Variants in PARVB observed in about 807,000 individuals in gnomAD.
The protein encoded by PARVB is beta-parvin.
A neutral mutation model predicts 47.0 loss-of-function variants in PARVB; 46 were observed. The ratio of observed to expected loss-of-function variants is 0.98; its 90% CI spans 0.77 to 1.25. The LOEUF (loss-of-function observed/expected upper bound fraction) is 1.25. Among genes scored for constraint, PARVB ranks in the 50% most tolerant of loss-of-function variants. The pLI is 0.00. For synonymous variants in PARVB, 196 were observed against 196.3 expected, an observed-to-expected ratio of 1.00 and a Z score of 0.01; for missense variants, 473 against 471.6, an observed-to-expected ratio of 1.00 and a Z score of -0.03.
intron 9 of PARVB, chr22:44,148,861 C>G (rs563175753): frequency 1.3e-5 from 2 of 152,294 alleles, no homozygotes; most frequent in South Asian, 4.1e-4. Flanking sequence ...TTTTTGGAAG[C>G]ATTTTGCAAA....
rs1244616785 is a variant in PARVB at position 44,172,700 on chromosome 22, AC to A, written c.*4023del. 1 of 277,044 alleles carries A rather than the reference AC, an allele frequency of 3.6e-6. No individual in the cohort carries two copies. Among genetic ancestry groups the A allele is most frequent in the Non-Finnish European group, 7.1e-6 (1 of 140,418 alleles). 17.2% of individuals were successfully genotyped at this position (277,044 alleles called of 1,614,324 possible). On this transcript the variant is annotated 3_prime_UTR_variant, in exon 13 of 13. Coordinates refer to ENST00000338758, the MANE Select transcript of PARVB (RefSeq NM_013327.5). ...CCCCTGTTTTGTGTGCCAGTATTTT[AC>A]TGTCTTCTTAATTGTTTTAAGCAAT...
intron 1 of PARVB, among the ~76,000 whole-genome samples, chr22:44,081,292 C>G (rs994531977): frequency 6.6e-6 from 1 of 152,142 alleles, no homozygotes; most frequent in African/African-American, 2.4e-5. Context: ...AGGGGCCTGT[C>G]TCCGAAGCAG....
intron 4 of PARVB, among the ~76,000 whole-genome samples, chr22:44,122,588 G>GAGAGAGAGAGAC (rs2053093690): frequency 8.2e-6 from 1 of 122,438 alleles, no homozygotes; most frequent in Non-Finnish European, 1.9e-5. Context: ...GAGAGAGAGA[G>GAGAGAGAGAGAC]AGAGAGAGAG....
chr22:44,109,826 C>G (rs1569121052), intron 3 of PARVB: 1 of 151,830 alleles, frequency 6.6e-6, no homozygotes, highest in Non-Finnish European at 1.5e-5. Flanking sequence ...GCCTCTGGAA[C>G]CAAATGTCTG....
At chr22:44,015,850 GT>G (rs1358210319) in intron 2 of PARVB, among the ~76,000 whole-genome samples, 2 of 152,002 alleles carry the variant, frequency 1.3e-5, no homozygotes, top group Non-Finnish European at 2.9e-5. Flanking sequence ...AAAGATTAGG[GT>G]GCAGACAGCC....
At chr22:44,044,483 C>T (rs567925966) in intron 1 of PARVB, among the ~76,000 whole-genome samples, 1 of 151,684 alleles carries the variant, frequency 6.6e-6, no homozygotes, top group South Asian at 2.1e-4. Context: ...AGCCACCACG[C>T]CCGGCCTGTT....
chr22:44,161,587 C>T (rs575631649), intron 11 of PARVB, among the ~76,000 whole-genome samples: 1 of 152,302 alleles, frequency 6.6e-6, no homozygotes, highest in East Asian at 1.9e-4. Flanking sequence ...GCTGGGATTA[C>T]AGGCGTGAGC....
At chr22:44,054,853 G>T (rs1431418468) in intron 1 of PARVB, among the ~76,000 whole-genome samples, 4 of 151,832 alleles carry the variant, frequency 2.6e-5, no homozygotes, top group African/African-American at 9.7e-5. Flanking sequence ...AGCCGGGTGT[G>T]GTGGTGGGCG....
chr22:44,088,911 G>A (rs187053419), intron 1 of PARVB, among the ~76,000 whole-genome samples: 1 of 152,314 alleles, frequency 6.6e-6, no homozygotes, highest in East Asian at 1.9e-4. Flanking sequence ...AGTATGTTCT[G>A]TAATCCGAGG....
chr22:44,088,101 C>T (rs1003153369), intron 1 of PARVB, among the ~76,000 whole-genome samples: 1 of 152,186 alleles, frequency 6.6e-6, no homozygotes, highest in African/African-American at 2.4e-5. Context: ...CAAGGTCACA[C>T]ACCTTGTCAG....
At chr22:44,129,102 G>A (rs561711483) in intron 4 of PARVB, among the ~76,000 whole-genome samples, 47 of 152,126 alleles carry the variant, frequency 3.1e-4, no homozygotes, top group Non-Finnish European at 5.7e-4. Context: ...AATTAAAAGA[G>A]GTAATGAAAG....
chr22:44,051,815 C>G (rs963766095), intron 1 of PARVB, among the ~76,000 whole-genome samples: 38 of 152,306 alleles, frequency 2.5e-4, no homozygotes, highest in South Asian at 2.1e-4. Context: ...CGAGGCCTGT[C>G]TGAAGTAGGG....
intron 1 of PARVB, among the ~76,000 whole-genome samples, chr22:44,053,597 C>T (rs1206900241): frequency 2.0e-5 from 3 of 152,122 alleles, no homozygotes; most frequent in Non-Finnish European, 4.4e-5. Flanking sequence ...TGGCGGATAC[C>T]AGCTGGATGT....
At chr22:44,083,418 C>CG (rs1312075102) in intron 1 of PARVB, among the ~76,000 whole-genome samples, 1 of 152,024 alleles carries the variant, frequency 6.6e-6, no homozygotes. Flanking sequence ...CTTGCGGGGT[C>CG]GGGGGGTGCA....
intron 1 of PARVB, among the ~76,000 whole-genome samples, chr22:44,092,390 T>C (rs993855642): frequency 8.2e-4 from 125 of 152,320 alleles, no homozygotes; most frequent in African/African-American, 2.9e-3. Flanking sequence ...ATTACAGGTG[T>C]GAGCCACCGC....
chr22:44,107,448 C>G (rs1272989797), intron 3 of PARVB: 3 of 152,250 alleles, frequency 2.0e-5, no homozygotes, highest in African/African-American at 7.2e-5. Context: ...GGTCCTGGTG[C>G]AGATTCTTAG....
At chr22:44,062,459 G>A (rs1384064230) in intron 1 of PARVB, among the ~76,000 whole-genome samples, 1 of 152,150 alleles carries the variant, frequency 6.6e-6, no homozygotes, top group Non-Finnish European at 1.5e-5. Context: ...CCAACATAGT[G>A]AAACCCCATC....
intron 4 of PARVB, among the ~76,000 whole-genome samples, chr22:44,127,684 G>A (rs1253595965): frequency 7.4e-6 from 1 of 135,508 alleles, no homozygotes; most frequent in Non-Finnish European, 1.6e-5. Context: ...GGTAAAGGAG[G>A]TGTTTCTAGG....
intron 9 of PARVB, 129 bp downstream of exon 9, chr22:44,148,051 A>G (rs1162912123): frequency 1.3e-6 from 1 of 762,944 alleles, no homozygotes; most frequent in East Asian, 2.7e-5. Flanking sequence ...ATGGATTGAA[A>G]TGTAATTACA....
Sources: gnomAD v4.1 joint callset for allele counts (sites outside exome capture counted in the v4.1 genomes callset) on GRCh38, gnomAD v4.1.1 for gene constraint, MANE v1.5 for transcripts, NCBI Gene and HGNC (gene_info 2026-07-23, HGNC 2026-07-21) for gene names.